Variants in KRT27 observed in about 807,000 individuals in gnomAD.
The protein encoded by KRT27 is keratin 27.
KRT27 carries 30 observed loss-of-function variants against 45.3 expected under a neutral mutation model. The ratio of observed to expected loss-of-function variants is 0.66; its 90% CI spans 0.50 to 0.90. The LOEUF is 0.90. Among genes scored for constraint, KRT27 ranks in the 40% least tolerant of loss-of-function variants. The probability of loss-of-function intolerance (pLI) is 0.00; values close to 1 mark genes in which losing one functional copy is unlikely to be tolerated. For missense variants in KRT27, 610 were observed against 564.3 expected (o/e 1.08, Z -0.82); for synonymous variants, 204 against 223.9 (o/e 0.91, Z 0.79).
chr17:40,781,389 A>C (rs942016354), intron 1 of KRT27, 119 bp from the exon 2 acceptor site: 1 of 618,608 alleles, frequency 1.6e-6, no homozygotes, highest in Non-Finnish European at 2.9e-6. Flanking sequence ...TCTAATAATC[A>C]GACCATTCTT....
At chr17:40,780,890 A>G (rs147806709) in intron 2 of KRT27, among the ~76,000 whole-genome samples, 2 of 152,282 alleles carry the variant, frequency 1.3e-5, no homozygotes, top group East Asian at 3.9e-4. Flanking sequence ...TTAATTAAAA[A>G]AACACATTTC....
chr17:40,777,498 A>G lies in KRT27; in HGVS notation c.1190+17T>C, dbSNP rs754924606. On this transcript the variant is annotated intron_variant, in intron 6 of 7. Transcript: ENST00000301656. Reference sequence around the variant, plus strand: ...ACCTTAAAAATGAATTGTTTTCTCAATGGCGGCAATACTGACCCATCTTCT... The same window carrying G: ...ACCTTAAAAATGAATTGTTTTCTCAGTGGCGGCAATACTGACCCATCTTCT... 2 of 1,611,858 alleles carry G rather than the reference A, an allele frequency of 1.2e-6. No individual in the cohort carries two copies. The highest frequency in any genetic ancestry group is 1.1e-5 in the South Asian group (1 of 90,992).
At position 40,777,569 on chromosome 17, in the gene KRT27, A is replaced by G. The variant is rs1195483004; in HGVS notation, c.1136T>C (p.Val379Ala). The change falls in exon 6 of 8, where the codon GTC (valine) becomes GCC (alanine). Residue 379 changes from valine to alanine, a missense_variant. Physicochemically the swap from Val to Ala is moderately conservative, Grantham distance 64. Transcript: ENST00000301656. ...GGTCTCAATTTCTTTTTCCAGGTGG[A>G]CCTTGATGTCAAGGAGCTGCTCATA... is the stretch of plus-strand genomic sequence containing the variant. ...LEYEQLLDIK[V>A]HLEKEIETYC... 2 of 1,613,896 alleles carry G rather than the reference A, an allele frequency of 1.2e-6. No individual in the cohort carries two copies. The highest frequency in any genetic ancestry group is 1.7e-5 in the Admixed American group (1 of 60,008).
chr17:40,782,319 C>A lies in KRT27; in HGVS notation c.175G>T (p.Gly59Cys). The A allele has an allele frequency of 6.2e-7, 1 of 1,614,188 alleles. No individual in the cohort carries two copies. Among genetic ancestry groups the A allele is most frequent in the Non-Finnish European group, 8.5e-7 (1 of 1,180,028 alleles). Residue 59 changes from glycine (G) to cysteine (C), a missense_variant, in exon 1 of 8, where the codon GGC becomes TGC. Coordinates refer to ENST00000301656, the MANE Select transcript of KRT27 (RefSeq NM_181537.4). ...FGGSSSAGGY[G>C]GGLGGGSASC... ...GCACTTCCCCCGCCCAGACCTCCGC[C>A]ATAGCCTCCTGCAGATGAGCTGCCC...
chr17:40,781,316 C>T lies in KRT27; in HGVS notation c.445-46G>A, dbSNP rs552225497. 7.1e-6 allele frequency: 8 copies of T among 1,119,400 alleles called. No individual in the cohort carries two copies. In the South Asian group the frequency reaches 1.1e-4, roughly 15 times the overall value. The allele number at this position is 1,119,400 out of a possible 1,614,324, so 69.3% of individuals were successfully genotyped here. On this transcript the variant is annotated intron_variant, in intron 1 of 7. Transcript: ENST00000301656. ...TAAGATTGAGGAAATATTTAAGATG[C>T]ATTTCAAAGTTCCTTGAAATAAAAT...
At position 40,779,851 on chromosome 17, in the gene KRT27, G is replaced by C. The variant is rs773724450; in HGVS notation, c.695C>G (p.Ala232Gly). 6.2e-7 allele frequency: 1 copy of C among 1,600,488 alleles called. No individual in the cohort carries two copies. Among genetic ancestry groups the C allele is most frequent in the Non-Finnish European group, 8.5e-7 (1 of 1,176,502 alleles). ...GTTGCCTCCAGCCGCGCACTGAAGA[G>C]CTTTCATTTCCTGAAAGATATTTGT... is the stretch of plus-strand genomic sequence containing the variant. ...LKKNHEEEMKALQCAAGGNVN... is the reference protein window; with the variant it reads ...LKKNHEEEMKGLQCAAGGNVN... Residue 232 changes from alanine to glycine, a missense_variant, in exon 4 of 8, where the codon GCT (alanine) becomes GGT (glycine). Physicochemically the swap from Ala to Gly is moderately conservative, Grantham distance 60 (BLOSUM62 0). Transcript: ENST00000301656.
chr17:40,782,178 C>T lies in KRT27; in HGVS notation c.316G>A (p.Glu106Lys). The T allele has an allele frequency of 1.9e-6, 3 of 1,614,208 alleles. No individual in the cohort carries two copies. Among genetic ancestry groups the T allele is most frequent in the Non-Finnish European group, 2.5e-6 (3 of 1,180,042 alleles). The change falls in exon 1 of 8, where the codon GAG becomes AAG. Residue 106 changes from glutamate to lysine, a missense_variant. Coordinates refer to ENST00000301656, the MANE Select transcript of KRT27 (RefSeq NM_181537.4). ...TGCTCCAAGTCAGCGTTGGCCTCCT[C>T]TAGGGCTCGAACATTCTCCAGGTAG... is the stretch of plus-strand genomic sequence containing the variant. ...ASYLENVRAL[E>K]EANADLEQKI...
chr17:40,781,401 T>C, intron 1 of KRT27, 131 bp from the exon 2 acceptor site: 1 of 593,702 alleles, frequency 1.7e-6, no homozygotes, highest in Non-Finnish European at 3.0e-6. Context: ...ACCATTCTTT[T>C]GAAGATGGGT....
rs756894203 is a variant in KRT27 at position 40,782,055 on chromosome 17, T to A, written c.439A>T (p.Asn147Tyr). 5.6e-6 allele frequency: 9 copies of A among 1,609,388 alleles called. No homozygotes were observed. The South Asian group carries it at 9.9e-5, about 18-fold the overall frequency. The change falls in exon 1 of 8, where the codon AAC (asparagine) becomes TAC (tyrosine). Residue 147 changes from asparagine (N) to tyrosine (Y), a missense_variant. Asn to Tyr is a moderately radical substitution (Grantham distance 143, BLOSUM62 -2). Transcript: ENST00000301656. Reference protein sequence around the residue: ...RYFPIIDELKNQIISATTSNA... With the variant: ...RYFPIIDELKYQIISATTSNA... ...CACGCCATGGCGTTTCTTACCTGGT[T>A]CTTAAGTTCGTCAATAATTGGGAAA...
In KRT27 at chr17:40,779,723, C is replaced by T. The variant is rs2038294144; in HGVS notation, c.823G>A (p.Ala275Thr). 1.9e-6 allele frequency: 3 copies of T among 1,613,948 alleles called. No individual in the cohort carries two copies. The highest frequency in any genetic ancestry group is 1.7e-4 in the Middle Eastern group (1 of 6,060). Residue 275 changes from alanine to threonine, a missense_variant, in exon 4 of 8, where the codon GCG becomes ACG. Physicochemically the swap from Ala to Thr is moderately conservative, Grantham distance 58. Coordinates refer to ENST00000301656, the MANE Select transcript of KRT27 (RefSeq NM_181537.4). ...ACCTTTTCGTTGAACCAGGCCTCCG[C>T]GTCCCTGCGGTTCTGCTCTGCGAGG... ...EALAEQNRRD[A>T]EAWFNEKSAS... is the part of the protein sequence containing the mutation.
rs2038309967 is a variant in KRT27, at chr17:40,781,325, G to A, written c.445-55C>T. 7 of 1,033,824 alleles carry A rather than the reference G, an allele frequency of 6.8e-6. No homozygotes were observed. The South Asian group carries it at 6.8e-5, about 10-fold the overall frequency. The allele number at this position is 1,033,824 out of a possible 1,614,324, so 64.0% of individuals were successfully genotyped here. ...GGAAATATTTAAGATGCATTTCAAA[G>A]TTCCTTGAAATAAAATTACCCATGA... On this transcript the variant is annotated intron_variant, in intron 1 of 7. Transcript: ENST00000301656.
chr17:40,777,385 T>C lies in KRT27; in HGVS notation c.1191-83A>G, dbSNP rs181873442. The stretch of plus-strand genomic sequence containing the variant: ...ATAATGATTTAAGGTGGGAATTCAC[T>C]GCATTCTGAAATAACACTAAAAGAG... On this transcript the variant is annotated intron_variant, in intron 6 of 7. Coordinates refer to ENST00000301656, the MANE Select transcript of KRT27 (RefSeq NM_181537.4). 9 of 1,540,154 alleles carry C rather than the reference T, an allele frequency of 5.8e-6. No homozygotes were observed. The Middle Eastern group carries it at 5.1e-4, about 88-fold the overall frequency.
rs2038277522 is a variant in KRT27 at position 40,777,686 on chromosome 17, C to G, written c.1019G>C (p.Cys340Ser). ...CSLTETESNYCAQLAQIQAQI... is the reference protein window; with the variant it reads ...CSLTETESNYSAQLAQIQAQI... Reference sequence around the variant, plus strand: ...AGCCTGGATCTGTGCCAGCTGTGCACAGTAGTTACTCTCGGTCTCTGTCAA... The same window carrying G: ...AGCCTGGATCTGTGCCAGCTGTGCAGAGTAGTTACTCTCGGTCTCTGTCAA... Residue 340 changes from cysteine to serine, a missense_variant, in exon 6 of 8, where the codon TGT (cysteine) becomes TCT (serine). Coordinates refer to ENST00000301656, the MANE Select transcript of KRT27 (RefSeq NM_181537.4). 1 of 1,614,110 alleles carries G rather than the reference C, an allele frequency of 6.2e-7. No individual in the cohort carries two copies. Among genetic ancestry groups the G allele is most frequent in the Non-Finnish European group, 8.5e-7 (1 of 1,180,042 alleles).
In KRT27 at chr17:40,782,373, T is replaced by C. The variant is rs771375773; in HGVS notation, c.121A>G (p.Ile41Val). ...AAAGCACAAGAGAAGCCACTTCCAA[T>C]GCCTGGCACACCGCATGTGTTTCCA... Reference protein sequence around the residue: ...GAGNTCGVPGIGSGFSCAFGG... With the variant: ...GAGNTCGVPGVGSGFSCAFGG... The change falls in exon 1 of 8, where the codon ATT becomes GTT. Residue 41 changes from isoleucine to valine, a missense_variant. By Grantham distance (29) the Ile-to-Val change is conservative (BLOSUM62 3). Coordinates refer to ENST00000301656, the MANE Select transcript of KRT27 (RefSeq NM_181537.4). 5.6e-6 allele frequency: 9 copies of C among 1,614,150 alleles called. No individual in the cohort carries two copies. The highest frequency in any genetic ancestry group is 7.6e-6 in the Non-Finnish European group (9 of 1,180,020).
rs569436666 is a variant in KRT27, at chr17:40,782,188, A to G, written c.306T>C (p.Val102=). 5.6e-6 allele frequency: 9 copies of G among 1,614,192 alleles called. No homozygotes were observed. The South Asian group carries it at 8.8e-5, about 16-fold the overall frequency. ...NDRLASYLEN[V]RALEEANADL... ...CAGCGTTGGCCTCCTCTAGGGCTCG[A>G]ACATTCTCCAGGTAGGAGGCCAAGC... Residue 102 remains valine, a synonymous_variant, in exon 1 of 8, where the codon GTT becomes GTC. Coordinates refer to ENST00000301656, the MANE Select transcript of KRT27 (RefSeq NM_181537.4).
At position 40,781,231 on chromosome 17, in the gene KRT27, G is replaced by A; in HGVS notation, c.484C>T (p.Gln162Ter). ...GCTGTTAGTCTTGCATTATCATTTTGCAGGACAACATGGGCATTACTGGTA... is the reference window on the plus strand; with the variant it reads ...GCTGTTAGTCTTGCATTATCATTTTACAGGACAACATGGGCATTACTGGTA... ...ATTSNAHVVL[Q>*]NDNARLTADD... The change falls in exon 2 of 8, where the codon CAA becomes TAA. Residue 162 changes from glutamine (Q) to a stop codon, truncating the protein, a stop_gained. Coordinates refer to ENST00000301656, the MANE Select transcript of KRT27 (RefSeq NM_181537.4). LOFTEE classifies it high-confidence loss of function. The A allele has an allele frequency of 6.2e-7, 1 of 1,611,086 alleles. No individual in the cohort carries two copies.
chr17:40,780,743 G>A (rs548166973), intron 2 of KRT27, among the ~76,000 whole-genome samples: 3 of 152,318 alleles, frequency 2.0e-5, no homozygotes, highest in African/African-American at 4.8e-5. Context: ...CAGCTACTCG[G>A]GAGGCTGAGG....
chr17:40,778,065 T>C (rs2038279995), intron 5 of KRT27: 2 of 247,842 alleles, frequency 8.1e-6, no homozygotes. Context: ...TTTGCTACTT[T>C]ACCCACAACT....
At chr17:40,777,859 T>C in intron 5 of KRT27, 127 bp from the exon 6 acceptor site, 1 of 947,746 alleles carries the variant, frequency 1.1e-6, no homozygotes, top group Non-Finnish European at 1.6e-6. Flanking sequence ...CCCAAAAGAT[T>C]CCACTTCTTC....
Sources: allele counts gnomAD v4.1 joint callset (sites outside exome capture counted in the v4.1 genomes callset), GRCh38; gene constraint gnomAD v4.1.1; transcripts MANE v1.5; gene names NCBI Gene and HGNC (gene_info 2026-07-23, HGNC 2026-07-21).